PTPRO: variants seen among roughly 807,000 people sequenced by gnomAD.
PTPRO encodes the protein receptor-type tyrosine-protein phosphatase O.
Under a neutral mutation model 145.2 loss-of-function variants are expected in PTPRO, and 62 were observed. The observed-to-expected ratio is 0.43, with a 90% CI of 0.35 to 0.53. The LOEUF (loss-of-function observed/expected upper bound fraction) is 0.53. PTPRO is among the 20% of genes least tolerant of loss of function. The pLI is 0.01. For synonymous variants in PTPRO, 565 were observed against 514.7 expected, an observed-to-expected ratio of 1.10 and a Z score of -1.32; for missense variants, 1,345 against 1,482.7, an observed-to-expected ratio of 0.91 and a Z score of 1.53.
At chr12:15,369,976 C>T (rs756991963) in intron 1 of PTPRO, among the ~76,000 whole-genome samples, 2 of 152,140 alleles carry the variant, frequency 1.3e-5, no homozygotes, top group Non-Finnish European at 1.5e-5. Flanking sequence ...TGCTTGAACC[C>T]GGGAAGTGGA....
intron 15 of PTPRO, among the ~76,000 whole-genome samples, chr12:15,554,660 T>C (rs187055596): frequency 2.0e-4 from 31 of 152,178 alleles, no homozygotes; most frequent in Admixed American, 2.0e-3. Context: ...TTCACATTTT[T>C]CTGCCTGCTT....
intron 2 of PTPRO, among the ~76,000 whole-genome samples, chr12:15,486,429 C>T (rs1173361637): frequency 6.6e-6 from 1 of 152,070 alleles, no homozygotes; most frequent in Non-Finnish European, 1.5e-5. Context: ...TCTGTCTTTA[C>T]GTGTAAAAGG....
intron 1 of PTPRO, among the ~76,000 whole-genome samples, chr12:15,413,068 C>T (rs1254059885): frequency 1.3e-5 from 2 of 152,128 alleles, no homozygotes; most frequent in African/African-American, 2.4e-5. Flanking sequence ...GTTGGGATCA[C>T]AGGCGTGAGC....
At chr12:15,402,155 T>C (rs1033303543) in intron 1 of PTPRO, among the ~76,000 whole-genome samples, 3 of 152,058 alleles carry the variant, frequency 2.0e-5, no homozygotes, top group Non-Finnish European at 2.9e-5. Flanking sequence ...TTTGGGAGGC[T>C]GAGGCAGGCG....
chr12:15,555,232 C>T (rs150207672), intron 15 of PTPRO, among the ~76,000 whole-genome samples: 1 of 152,082 alleles, frequency 6.6e-6, no homozygotes, highest in African/African-American at 2.4e-5. Flanking sequence ...CTGAGTGAAA[C>T]TCCGTCTCAG....
At chr12:15,397,509 G>A (rs915473915) in intron 1 of PTPRO, among the ~76,000 whole-genome samples, 7 of 152,120 alleles carry the variant, frequency 4.6e-5, no homozygotes, top group African/African-American at 1.7e-4. Flanking sequence ...GTTATTCACT[G>A]TTCTCCAAGC....
In PTPRO at chr12:15,389,995, A is replaced by C. The variant is rs149096132; in HGVS notation, c.75+67194A>C. ...AGTTTATTTGAGAATATAATTATAG[A>C]GAACATACATGAGAGGCAGCAGTTT... On this transcript the variant is annotated intron_variant, in intron 1 of 26. Transcript: ENST00000281171. 5.4e-3 allele frequency among the ~76,000 whole-genome samples: 821 copies of C among 152,344 alleles called. 1 individual carries two copies. Among genetic ancestry groups the C allele is most frequent in the Non-Finnish European group, 8.7e-3 (590 of 68,032 alleles).
chr12:15,589,847 C>T (rs1213259470), intron 25 of PTPRO, among the ~76,000 whole-genome samples: 3 of 152,248 alleles, frequency 2.0e-5, no homozygotes, highest in African/African-American at 7.2e-5. Flanking sequence ...AAGAGTAAAA[C>T]CTCTTTGAAC....
chr12:15,494,056 G>A (rs961556178), intron 2 of PTPRO, among the ~76,000 whole-genome samples: 4 of 152,088 alleles, frequency 2.6e-5, no homozygotes, highest in African/African-American at 7.2e-5. Context: ...AATGTTGGAT[G>A]CTTACAAATA....
At chr12:15,505,329 T>C (rs1403826265) in intron 6 of PTPRO, among the ~76,000 whole-genome samples, 1 of 152,238 alleles carries the variant, frequency 6.6e-6, no homozygotes, top group Admixed American at 6.5e-5. Flanking sequence ...TCATGTCAAG[T>C]TGTAAAATCC....
At chr12:15,425,145 T>C (rs1940250245) in intron 1 of PTPRO, among the ~76,000 whole-genome samples, 1 of 152,200 alleles carries the variant, frequency 6.6e-6, no homozygotes, top group Admixed American at 6.5e-5. Context: ...TTTGTCATTT[T>C]TGTTGTGCTC....
chr12:15,401,775 T>C (rs1939500985), intron 1 of PTPRO, among the ~76,000 whole-genome samples: 1 of 152,232 alleles, frequency 6.6e-6, no homozygotes, highest in African/African-American at 2.4e-5. Flanking sequence ...TAAGATTGAT[T>C]GCACATCTTG....
chr12:15,551,553 A>G lies in PTPRO; in HGVS notation c.2440A>G (p.Thr814Ala). Residue 814 changes from threonine (T) to alanine (A), a missense_variant and splice_region_variant, in exon 15 of 27, where the codon ACA becomes GCA. Physicochemically the swap from Thr to Ala is moderately conservative, Grantham distance 58. Around this residue, in one of 3 missense-constraint regions of PTPRO, gnomAD observed 1,130 missense variants for 1,214.7 expected, o/e 0.93. Transcript: ENST00000281171. The part of the protein sequence containing the change: ...PTFIAVSTMV[T>A]EMNPNVVVIS... ...AAATGCACAACTTATCTCTTTAGTT[A>G]CAGAGATGAATCCCAATGTGGTAGT... 1 of 1,613,414 alleles carries G rather than the reference A, an allele frequency of 6.2e-7. No homozygotes were observed. The highest frequency in any genetic ancestry group is 8.5e-7 in the Non-Finnish European group (1 of 1,179,782).
At chr12:15,486,103 A>G (rs987044677) in intron 2 of PTPRO, among the ~76,000 whole-genome samples, 1 of 152,064 alleles carries the variant, frequency 6.6e-6, no homozygotes, top group African/African-American at 2.4e-5. Flanking sequence ...TTTTCTGTCT[A>G]TTTGTTCTAA....
chr12:15,329,241 G>T (rs1866539534), intron 1 of PTPRO, among the ~76,000 whole-genome samples: 1 of 152,172 alleles, frequency 6.6e-6, no homozygotes, highest in East Asian at 1.9e-4. Context: ...TTATGAGCCT[G>T]CTGTGCTGAT....
intron 1 of PTPRO, among the ~76,000 whole-genome samples, chr12:15,421,690 A>G (rs1177151417): frequency 6.6e-6 from 1 of 152,176 alleles, no homozygotes; most frequent in African/African-American, 2.4e-5. Context: ...GTCTGTGTCT[A>G]TTTCTCATTT....
intron 4 of PTPRO, among the ~76,000 whole-genome samples, chr12:15,501,028 A>G (rs895433499): frequency 3.3e-5 from 5 of 152,216 alleles, no homozygotes; most frequent in African/African-American, 1.2e-4. Flanking sequence ...GCGTCTTCAT[A>G]ATTTTCTCCC....
chr12:15,508,670 C>T lies in PTPRO; in HGVS notation c.1367C>T (p.Ser456Phe). The T allele has an allele frequency of 6.2e-7, 1 of 1,614,044 alleles. No individual in the cohort carries two copies. Among genetic ancestry groups the T allele is most frequent in the South Asian group, 1.1e-5 (1 of 91,062 alleles). The change falls in exon 7 of 27, where the codon TCC becomes TTC. Residue 456 changes from serine (S) to phenylalanine (F), a missense_variant. Ser to Phe is a radical substitution (Grantham distance 155). Transcript: ENST00000281171. ...STTALMSWTS[S>F]QENYNSTIVS... Reference sequence around the variant, plus strand: ...ACTGCCTTGATGTCCTGGACATCTTCCCAAGAGAACTACAACAGCACCATT... The same window carrying T: ...ACTGCCTTGATGTCCTGGACATCTTTCCAAGAGAACTACAACAGCACCATT...
Position 15,516,503 on chromosome 12 carries a change from A to G in PTPRO, c.1586-260A>G, listed in dbSNP as rs1019565206. Among the ~76,000 whole-genome samples the G allele has an allele frequency of 2.7e-5, 3 of 109,240 alleles. No individual in the cohort carries two copies. The Admixed American group carries it at 2.9e-4, about 10-fold the overall frequency. 71.7% of individuals were successfully genotyped at this position (109,240 alleles called of 152,430 possible). A position where few individuals can be genotyped will look rare whatever the true frequency, so the allele number is the denominator to read the frequency against. On this transcript the variant is annotated intron_variant, in intron 8 of 26. Coordinates refer to ENST00000281171, the MANE Select transcript of PTPRO (RefSeq NM_030667.3). The stretch of plus-strand genomic sequence containing the variant: ...AAAGAGAGAGAAAGGAAAGAAAGAA[A>G]AGAAAGAAAGAAAGAAAAAGAAAAG...
Sources: gnomAD v4.1 joint callset for allele counts (sites outside exome capture counted in the v4.1 genomes callset) on GRCh38, gnomAD v4.1.1 for gene constraint, gnomAD v4.1.1 regional missense constraint, MANE v1.5 for transcripts, NCBI Gene and HGNC (gene_info 2026-07-23, HGNC 2026-07-21) for gene names.